The following ZCCHC7 variants were observed in gnomAD, a reference collection of about 807,000 sequenced individuals.
The protein encoded by ZCCHC7 is zinc finger CCHC domain-containing protein 7.
Under a neutral mutation model 52.0 loss-of-function variants are expected in ZCCHC7, and 35 were observed. The ratio of observed to expected loss-of-function variants is 0.67; its 90% confidence interval spans 0.51 to 0.89. The LOEUF is 0.89. Among genes scored for constraint, ZCCHC7 ranks in the 40% least tolerant of loss-of-function variants. The pLI is 0.00. For synonymous variants in ZCCHC7, 217 were observed against 221.5 expected (o/e 0.98, Z 0.18); for missense variants, 574 against 649.1 (o/e 0.88, Z 1.26).
At chr9:37,312,996 A>T in intron 5 of ZCCHC7, among the ~76,000 whole-genome samples, 1 of 152,208 alleles carries the variant, frequency 6.6e-6, no homozygotes, top group East Asian at 1.9e-4. Context: ...GGGGAAAAGA[A>T]AAACTCATCT....
intron 2 of ZCCHC7, among the ~76,000 whole-genome samples, chr9:37,246,389 G>C (rs570517212): frequency 1.3e-5 from 2 of 152,078 alleles, no homozygotes; most frequent in South Asian, 4.2e-4. Context: ...AGTCCACAAG[G>C]GTCTTCAGGG....
intron 2 of ZCCHC7, among the ~76,000 whole-genome samples, chr9:37,243,787 T>A (rs780880239): frequency 4.6e-5 from 7 of 151,908 alleles, no homozygotes; most frequent in Non-Finnish European, 4.4e-5. Flanking sequence ...GATACAACTG[T>A]ATCAGCAAAA....
chr9:37,146,723 T>C (rs1843453400), intron 2 of ZCCHC7, among the ~76,000 whole-genome samples: 1 of 150,400 alleles, frequency 6.6e-6, no homozygotes, highest in Non-Finnish European at 1.5e-5. Flanking sequence ...GAGAAGTCTT[T>C]AATGTGCTTG....
chr9:37,290,779 G>T (rs146045450), intron 2 of ZCCHC7, among the ~76,000 whole-genome samples: 1 of 152,108 alleles, frequency 6.6e-6, no homozygotes. Context: ...TACTGTGTGG[G>T]TACATTGGAC....
intron 2 of ZCCHC7, among the ~76,000 whole-genome samples, chr9:37,171,481 A>G (rs1821724090): frequency 6.6e-6 from 1 of 152,160 alleles, no homozygotes; most frequent in Non-Finnish European, 1.5e-5. Context: ...CAGTGGTGCG[A>G]TCATAAGCTC....
At chr9:37,197,899 A>G (rs868205830) in intron 2 of ZCCHC7, among the ~76,000 whole-genome samples, 1 of 152,214 alleles carries the variant, frequency 6.6e-6, no homozygotes, top group South Asian at 2.1e-4. Context: ...CATTTAATAT[A>G]TGAGCAGGGA....
intron 2 of ZCCHC7, among the ~76,000 whole-genome samples, chr9:37,153,115 T>TG (rs1820621126): frequency 6.6e-6 from 1 of 152,210 alleles, no homozygotes; most frequent in Admixed American, 6.5e-5. Context: ...CTATCTTTTT[T>TG]CCTTAATTTT....
intron 2 of ZCCHC7, among the ~76,000 whole-genome samples, chr9:37,133,395 G>A (rs1488500639): frequency 1.5e-5 from 2 of 134,672 alleles, no homozygotes; most frequent in African/African-American, 5.7e-5. Context: ...TTTTTTTTGA[G>A]ACACAGTCTT....
At chr9:37,266,798 G>A (rs934953949) in intron 2 of ZCCHC7, among the ~76,000 whole-genome samples, 9 of 152,058 alleles carry the variant, frequency 5.9e-5, no homozygotes, top group African/African-American at 1.7e-4. Context: ...AGCTTGAGCC[G>A]GGATGATCAA....
rs1011278594 is a variant in ZCCHC7, at chr9:37,357,586, A to G, written c.*318A>G. 1 of 182,108 alleles carries G rather than the reference A, an allele frequency of 5.5e-6. No homozygotes were observed. Among genetic ancestry groups the G allele is most frequent in the African/African-American group, 2.3e-5 (1 of 42,680 alleles). 11.3% of individuals were successfully genotyped at this position (182,108 alleles called of 1,614,324 possible). A position where few individuals can be genotyped will look rare whatever the true frequency, so the allele number is the denominator to read the frequency against. On this transcript the variant is annotated 3_prime_UTR_variant, in exon 9 of 9. Transcript: ENST00000336755. ...TGTTTTAAAAATACTTTGGGAAAAA[A>G]ACTGCATCAAAGGTAATTTATCCTC... is the stretch of plus-strand genomic sequence containing the variant.
At chr9:37,183,882 A>G (rs926182661) in intron 2 of ZCCHC7, among the ~76,000 whole-genome samples, 3 of 152,232 alleles carry the variant, frequency 2.0e-5, no homozygotes, top group African/African-American at 7.2e-5. Flanking sequence ...CTGAACAACA[A>G]TGCTATTCCG....
At chr9:37,190,442 A>G (rs1380388025) in intron 2 of ZCCHC7, among the ~76,000 whole-genome samples, 1 of 152,196 alleles carries the variant, frequency 6.6e-6, no homozygotes, top group Non-Finnish European at 1.5e-5. Context: ...AGTCTAGGGC[A>G]GGAGATACTA....
chr9:37,257,866 G>A (rs1826666328), intron 2 of ZCCHC7, among the ~76,000 whole-genome samples: 1 of 152,094 alleles, frequency 6.6e-6, no homozygotes. Context: ...TGCTTCTTTT[G>A]TATATAGCCT....
chr9:37,223,053 T>C (rs906827731), intron 2 of ZCCHC7, among the ~76,000 whole-genome samples: 5 of 152,186 alleles, frequency 3.3e-5, no homozygotes, highest in African/African-American at 1.2e-4. Flanking sequence ...TTTAGTGACT[T>C]TCTTGCTGAA....
intron 2 of ZCCHC7, among the ~76,000 whole-genome samples, chr9:37,247,489 C>T (rs2036133508): frequency 1.3e-5 from 2 of 152,196 alleles, no homozygotes. Context: ...AATACCCCAT[C>T]TGTAACTCTG....
intron 2 of ZCCHC7, among the ~76,000 whole-genome samples, chr9:37,216,525 T>G (rs1467185875): frequency 1.3e-5 from 2 of 151,964 alleles, no homozygotes; most frequent in South Asian, 2.1e-4. Context: ...AAATACAAAA[T>G]TAGCTGGGCA....
chr9:37,315,497 TAATA>T (rs1318755572), intron 5 of ZCCHC7, among the ~76,000 whole-genome samples: 1 of 152,010 alleles, frequency 6.6e-6, no homozygotes, highest in Non-Finnish European at 1.5e-5. Flanking sequence ...AATTATATAA[TAATA>T]AATATTATGA....
intron 5 of ZCCHC7, among the ~76,000 whole-genome samples, chr9:37,323,742 G>A (rs1830137854): frequency 6.6e-6 from 1 of 152,090 alleles, no homozygotes. Context: ...GCAAATGCTA[G>A]GATGTTCTTT....
chr9:37,132,522 ATGTATG>A (rs1233964689), intron 2 of ZCCHC7, among the ~76,000 whole-genome samples: 2 of 151,278 alleles, frequency 1.3e-5, no homozygotes, highest in African/African-American at 2.5e-5. Flanking sequence ...TCATATATGT[ATGTATG>A]TGTATGTGTG....
Sources: gnomAD v4.1 joint callset for allele counts (sites outside exome capture counted in the v4.1 genomes callset) on GRCh38, gnomAD v4.1.1 for gene constraint, MANE v1.5 for transcripts, NCBI Gene and HGNC (gene_info 2026-07-23, HGNC 2026-07-21) for gene names.